SEMA4D: variants seen among roughly 807,000 people sequenced by gnomAD.
The protein encoded by SEMA4D is semaphorin 4D, also known as semaphorin-4D.
In SEMA4D, 22 loss-of-function variants were observed where a neutral mutation model predicts 74.8. That is an observed-to-expected ratio of 0.29 (90% CI 0.21 to 0.42). The LOEUF is 0.42. Among genes scored for constraint, SEMA4D ranks in the 10% least tolerant of loss-of-function variants. The pLI is 1.00. For synonymous variants in SEMA4D, 445 were observed against 463.7 expected (o/e 0.96, Z 0.52); for missense variants, 937 against 1,118.4 (o/e 0.84, Z 2.31).
chr9:89,432,498 T>C (rs1178990069), intron 2 of SEMA4D, among the ~76,000 whole-genome samples: 1 of 152,214 alleles, frequency 6.6e-6, no homozygotes, highest in Non-Finnish European at 1.5e-5. Flanking sequence ...TGCATGGCTC[T>C]TCCTCCTCTG....
At chr9:89,370,264 G>A (rs569301132) in intron 16 of SEMA4D, among the ~76,000 whole-genome samples, 2 of 151,912 alleles carry the variant, frequency 1.3e-5, no homozygotes, top group East Asian at 3.9e-4. Flanking sequence ...TGGTGTGTGT[G>A]TTGTGTGGTG....
chr9:89,413,143 G>T (rs965255706), intron 2 of SEMA4D, among the ~76,000 whole-genome samples: 1 of 152,192 alleles, frequency 6.6e-6, no homozygotes, highest in African/African-American at 2.4e-5. Context: ...TTTGCATTCA[G>T]AAAGAATGAC....
At chr9:89,445,480 G>T (rs917985117) in intron 2 of SEMA4D, among the ~76,000 whole-genome samples, 1 of 152,228 alleles carries the variant, frequency 6.6e-6, no homozygotes, top group Non-Finnish European at 1.5e-5. Flanking sequence ...GACCATGCTC[G>T]CTCTGGAGGC....
chr9:89,428,527 G>A lies in SEMA4D; in HGVS notation c.-243-22828C>T, dbSNP rs77643572. Among the ~76,000 whole-genome samples, 1,375 of 152,286 alleles carry A rather than the reference G, an allele frequency of 9.0e-3. 22 individuals are homozygous for A. The highest frequency in any genetic ancestry group is 0.031 in the African/African-American group (1,277 of 41,540). ...GCCAGTCACAGGAACTCAGAACCAC[G>A]AGGAACCGGCCCCTTCATCACAGGC... On this transcript the variant is annotated intron_variant, in intron 2 of 15. Transcript: ENST00000422704.
chr9:89,487,579 A>G (rs939993823), intron 1 of SEMA4D, among the ~76,000 whole-genome samples: 2 of 152,204 alleles, frequency 1.3e-5, no homozygotes, highest in African/African-American at 4.8e-5. Context: ...AACTGGAAAG[A>G]AACTGGTCTT....
At chr9:89,372,368 TGTG>T (rs1248996563), downstream of SEMA4D, among the ~76,000 whole-genome samples, 5 of 108,760 alleles carry the variant, frequency 4.6e-5, no homozygotes, top group Non-Finnish European at 7.6e-5. Context: ...GTGTCTGGGA[TGTG>T]GTGTCTGGGG....
rs532341957 is a variant in SEMA4D, at chr9:89,450,441, G to A, written c.-244+5447C>T. On this transcript the variant is annotated intron_variant, in intron 2 of 15. Transcript: ENST00000422704. The stretch of plus-strand genomic sequence containing the variant: ...GAAGAAGGCTTGGATGGGTGTGGTG[G>A]AGTGCGCCAAACATGAAATGCTGCA... 2.3e-4 allele frequency: 318 copies of A among 1,392,124 alleles called. 1 individual carries two copies. The highest frequency in any genetic ancestry group is 6.2e-4 in the South Asian group (54 of 86,834). The allele number at this position is 1,392,124 out of a possible 1,614,324, so 86.2% of individuals were successfully genotyped here. A position where few individuals can be genotyped will look rare whatever the true frequency, so the allele number is the denominator to read the frequency against.
chr9:89,413,888 G>A (rs141708796), intron 2 of SEMA4D, among the ~76,000 whole-genome samples: 41 of 152,326 alleles, frequency 2.7e-4, no homozygotes, highest in African/African-American at 6.7e-4. Context: ...ATGTATGTGC[G>A]CATCTGTGTG....
chr9:89,466,949 G>C (rs1338398016), intron 1 of SEMA4D, among the ~76,000 whole-genome samples: 1 of 152,178 alleles, frequency 6.6e-6, no homozygotes, highest in African/African-American at 2.4e-5. Flanking sequence ...GGCCCAAAAA[G>C]GGCCCTGTTA....
intron 11 of SEMA4D, 60 bp from the exon 12 acceptor site, chr9:89,387,668 C>A: frequency 6.7e-7 from 1 of 1,493,130 alleles, no homozygotes; most frequent in Non-Finnish European, 9.3e-7. Context: ...ACGGGTGCTT[C>A]CACACAAGCA....
intron 9 of SEMA4D, among the ~76,000 whole-genome samples, chr9:89,391,014 G>A (rs570695927): frequency 2.0e-5 from 3 of 152,324 alleles, no homozygotes; most frequent in South Asian, 2.1e-4. Context: ...TAAGCTAGAG[G>A]TTTGAAGAGG....
intron 1 of SEMA4D, among the ~76,000 whole-genome samples, chr9:89,488,043 T>G (rs542381664): frequency 2.6e-5 from 4 of 152,148 alleles, no homozygotes; most frequent in Non-Finnish European, 5.9e-5. Context: ...GACACTACAA[T>G]TTTGAAAATG....
At chr9:89,396,622 A>G in intron 6 of SEMA4D, 115 bp downstream of exon 6, 1 of 908,264 alleles carries the variant, frequency 1.1e-6, no homozygotes. Flanking sequence ...GCTGGCTCTG[A>G]GAAAATCCTA....
Position 89,485,630 on chromosome 9 carries a change from A to T in SEMA4D, c.-310+12289T>A, listed in dbSNP as rs367989630. On this transcript the variant is annotated intron_variant, in intron 1 of 15. Transcript: ENST00000422704. ...ATGGAGAAACCCCATCTCTACTAAAAATACAAAATTAGCCGGGCATGGTGG... is the reference window on the plus strand; with the variant it reads ...ATGGAGAAACCCCATCTCTACTAAATATACAAAATTAGCCGGGCATGGTGG... Among the ~76,000 whole-genome samples, 191 of 152,048 alleles carry T rather than the reference A, an allele frequency of 1.3e-3. 1 individual carries two copies. The highest frequency in any genetic ancestry group is 4.5e-3 in the African/African-American group (186 of 41,452).
chr9:89,405,813 G>A (rs1035692108), intron 2 of SEMA4D, 114 bp from the exon 3 acceptor site: 59 of 1,298,096 alleles, frequency 4.5e-5, no homozygotes, highest in Non-Finnish European at 5.5e-5. Flanking sequence ...ATCTGCTGAG[G>A]AATACGGAAG....
chr9:89,490,304 G>A (rs1255731307), intron 1 of SEMA4D, among the ~76,000 whole-genome samples: 1 of 152,130 alleles, frequency 6.6e-6, no homozygotes, highest in Non-Finnish European at 1.5e-5. Flanking sequence ...ATCAAGTGCC[G>A]GTATGCACAG....
intron 18 of SEMA4D, chr9:89,362,530 A>C: frequency 1.9e-6 from 3 of 1,598,822 alleles, no homozygotes; most frequent in Non-Finnish European, 2.6e-6. Context: ...AGAGCACTCA[A>C]GGCCTCAGCC....
At chr9:89,453,337 A>G (rs2135477844) in intron 2 of SEMA4D, among the ~76,000 whole-genome samples, 1 of 152,370 alleles carries the variant, frequency 6.6e-6, no homozygotes, top group South Asian at 2.1e-4. Context: ...TCAACTCCCC[A>G]TAAGCACATG....
intron 2 of SEMA4D, chr9:89,450,687 A>AAAAAAAAAAAAAAAAAAAAAAAAAT: frequency 1.0e-6 from 1 of 982,322 alleles, no homozygotes; most frequent in Non-Finnish European, 1.5e-6. Context: ...AAAAAAAAAA[A>AAAAAAAAAAAAAAAAAAAAAAAAAT]GGCCTCCAAG....
Sources: gnomAD v4.1 joint callset for allele counts (sites outside exome capture counted in the v4.1 genomes callset) on GRCh38, gnomAD v4.1.1 for gene constraint, MANE v1.5 for transcripts, NCBI Gene and HGNC (gene_info 2026-07-23, HGNC 2026-07-21) for gene names.